Variants in CCSER1 observed in about 807,000 individuals in gnomAD.
CCSER1 encodes the protein serine-rich coiled-coil domain-containing protein 1.
CCSER1 carries 41 observed loss-of-function variants against 82.0 expected under a neutral mutation model. That is an observed-to-expected ratio of 0.50 (90% CI 0.39 to 0.65). The LOEUF (loss-of-function observed/expected upper bound fraction) is 0.65, where lower values mean the gene tolerates loss of function less well. CCSER1 is among the 30% of genes least tolerant of loss of function. The pLI, the probability that CCSER1 is intolerant of heterozygous loss-of-function variation, is 0.00. For synonymous variants in CCSER1, 414 were observed against 383.9 expected (o/e 1.08, Z -0.92); for missense variants, 1,119 against 1,064.2 (o/e 1.05, Z -0.72).
chr4:90,379,857 G>A (rs1196366026), intron 3 of CCSER1, among the ~76,000 whole-genome samples: 1 of 152,090 alleles, frequency 6.6e-6, no homozygotes, highest in Non-Finnish European at 1.5e-5. Flanking sequence ...TTTGGCTTCT[G>A]GGGAGGCCTC....
rs532733658 is a variant in CCSER1 at position 90,224,861 on chromosome 4, A to G, written c.-41-83383A>G. ...CTAATTCTTATTAGTATATTTCTTA[A>G]TGACTCTGAATTTTCCAAGAACATC... On this transcript the variant is annotated intron_variant, in intron 1 of 10. Coordinates refer to ENST00000509176, the MANE Select transcript of CCSER1 (RefSeq NM_001145065.2). 4.6e-5 allele frequency among the ~76,000 whole-genome samples: 7 copies of G among 152,210 alleles called. No individual in the cohort carries two copies. In the East Asian group the frequency reaches 1.2e-3, roughly 25 times the overall value.
chr4:91,473,740 T>A (rs1429167347), intron 10 of CCSER1, among the ~76,000 whole-genome samples: 1 of 152,118 alleles, frequency 6.6e-6, no homozygotes, highest in Admixed American at 6.6e-5. Context: ...TCATGGCTAT[T>A]ATTTTTACTA....
intron 10 of CCSER1, among the ~76,000 whole-genome samples, chr4:91,179,539 C>A (rs1049278820): frequency 6.6e-6 from 1 of 152,204 alleles, no homozygotes; most frequent in Non-Finnish European, 1.5e-5. Flanking sequence ...CCTCTCGCTT[C>A]ATTTCATTCA....
intron 9 of CCSER1, among the ~76,000 whole-genome samples, chr4:91,020,341 T>G (rs1739820905): frequency 6.6e-6 from 1 of 152,200 alleles, no homozygotes; most frequent in South Asian, 2.1e-4. Flanking sequence ...GACATGTGAC[T>G]TTAATAAACA....
At chr4:90,254,885 C>T (rs1722988647) in intron 1 of CCSER1, among the ~76,000 whole-genome samples, 1 of 151,752 alleles carries the variant, frequency 6.6e-6, no homozygotes. Context: ...ATGGTTGTTC[C>T]TCCTGTAGTG....
rs570622352 is a variant in CCSER1, at chr4:90,482,302, T to C, written c.1724+13948T>C. On this transcript the variant is annotated intron_variant, in intron 5 of 10. Transcript: ENST00000509176. ...TCTTGCTAGTGGTCTATCAATTTTG[T>C]TGATCTTTTCAAAAAACCAGCTCCT... Among the ~76,000 whole-genome samples, 6 of 152,332 alleles carry C rather than the reference T, an allele frequency of 3.9e-5. No homozygotes were observed. The South Asian group carries it at 1.2e-3, about 32-fold the overall frequency.
intron 7 of CCSER1, among the ~76,000 whole-genome samples, chr4:90,729,242 T>C (rs372625236): frequency 1.8e-4 from 28 of 152,334 alleles, no homozygotes; most frequent in African/African-American, 6.3e-4. Context: ...CCAAGTTCAA[T>C]GCAAGAAAGT....
intron 9 of CCSER1, among the ~76,000 whole-genome samples, chr4:91,080,545 A>T (rs1210913555): frequency 6.6e-6 from 1 of 152,200 alleles, no homozygotes; most frequent in Non-Finnish European, 1.5e-5. Flanking sequence ...AAGCTAGCAG[A>T]AGGCAAGAAA....
chr4:90,795,828 C>T (rs183803570), intron 7 of CCSER1, among the ~76,000 whole-genome samples: 4 of 151,388 alleles, frequency 2.6e-5, no homozygotes, highest in Non-Finnish European at 4.4e-5. Flanking sequence ...ACCAACCTTA[C>T]ATCTCATGGA....
chr4:90,848,373 T>C (rs1763456525), intron 8 of CCSER1, among the ~76,000 whole-genome samples: 1 of 152,176 alleles, frequency 6.6e-6, no homozygotes, highest in Non-Finnish European at 1.5e-5. Flanking sequence ...TAAGTGGCAA[T>C]AGCAGAAATA....
At chr4:91,445,340 G>T (rs376024053) in intron 10 of CCSER1, among the ~76,000 whole-genome samples, 33 of 150,836 alleles carry the variant, frequency 2.2e-4, no homozygotes, top group Non-Finnish European at 2.7e-4. Context: ...TTTTGTATTG[G>T]GAGATAAAAA....
chr4:91,288,884 T>C (rs1178208841), intron 10 of CCSER1, among the ~76,000 whole-genome samples: 1 of 152,012 alleles, frequency 6.6e-6, no homozygotes, highest in East Asian at 1.9e-4. Context: ...GCCAGGAACG[T>C]AGTGCCTGCT....
chr4:91,337,208 T>A (rs530984838), intron 10 of CCSER1, among the ~76,000 whole-genome samples: 1 of 152,248 alleles, frequency 6.6e-6, no homozygotes, highest in South Asian at 2.1e-4. Context: ...TTTAGAGACA[T>A]TTAATGAGTT....
intron 1 of CCSER1, among the ~76,000 whole-genome samples, chr4:90,256,122 G>T (rs949514648): frequency 2.0e-5 from 3 of 152,084 alleles, no homozygotes; most frequent in African/African-American, 4.8e-5. Context: ...TTTGTAAAGA[G>T]CATGTTTATT....
intron 10 of CCSER1, among the ~76,000 whole-genome samples, chr4:91,154,033 A>G (rs1475476822): frequency 6.6e-6 from 1 of 151,892 alleles, no homozygotes; most frequent in Non-Finnish European, 1.5e-5. Flanking sequence ...ACTCTCTTCA[A>G]AGCTGTCAGA....
intron 8 of CCSER1, among the ~76,000 whole-genome samples, chr4:90,826,703 C>T (rs529071740): frequency 2.0e-4 from 30 of 152,250 alleles, no homozygotes; most frequent in Admixed American, 5.9e-4. Context: ...TCTGACTCCA[C>T]GCACATGTTA....
chr4:90,204,325 G>C (rs1738363061), intron 1 of CCSER1, among the ~76,000 whole-genome samples: 1 of 152,076 alleles, frequency 6.6e-6, no homozygotes, highest in Non-Finnish European at 1.5e-5. Context: ...ATGATTTTTA[G>C]GTCTTACATT....
intron 1 of CCSER1, among the ~76,000 whole-genome samples, chr4:90,237,381 GT>G (rs1267187109): frequency 1.3e-5 from 2 of 152,040 alleles, no homozygotes; most frequent in South Asian, 2.1e-4. Context: ...TGTGCTTAGA[GT>G]TTTTTTCCTA....
chr4:90,458,526 T>C (rs1762475879), intron 4 of CCSER1, among the ~76,000 whole-genome samples: 1 of 151,980 alleles, frequency 6.6e-6, no homozygotes, highest in African/African-American at 2.4e-5. Context: ...CTAATTTTTT[T>C]TTATTTTGAG....
Sources: gnomAD v4.1 joint callset for allele counts (sites outside exome capture counted in the v4.1 genomes callset) on GRCh38, gnomAD v4.1.1 for gene constraint, MANE v1.5 for transcripts, NCBI Gene and HGNC (gene_info 2026-07-23, HGNC 2026-07-21) for gene names.